Variants in TRPM3 observed in about 807,000 individuals in gnomAD.
TRPM3 encodes long transient receptor potential channel 3.
TRPM3 carries 77 observed loss-of-function variants against 181.2 expected under a neutral mutation model. That is an observed-to-expected ratio of 0.42 (90% CI 0.35 to 0.51). TRPM3 has a LOEUF of 0.51. Ranked by LOEUF, TRPM3 falls within the 20% of genes least tolerant of loss-of-function variation. The pLI, the probability that TRPM3 is intolerant of heterozygous loss-of-function variation, is 0.01. For missense variants in TRPM3, 1,759 were observed against 2,196.7 expected (o/e 0.80, Z 3.98); for synonymous variants, 745 against 796.4 (o/e 0.94, Z 1.09).
intron 14 of TRPM3, among the ~76,000 whole-genome samples, chr9:70,624,759 T>TA (rs1358883521): frequency 2.0e-5 from 3 of 152,184 alleles, no homozygotes; most frequent in Non-Finnish European, 4.4e-5. Context: ...TTGCAAAAGG[T>TA]AAAAAATGCT....
At chr9:71,145,023 A>G (rs185648588) in intron 1 of TRPM3, among the ~76,000 whole-genome samples, 63 of 152,310 alleles carry the variant, frequency 4.1e-4, no homozygotes. Flanking sequence ...ATAATGAGAT[A>G]ACATTATTTG....
chr9:70,662,932 C>A (rs1564752527), intron 9 of TRPM3, among the ~76,000 whole-genome samples: 1 of 152,016 alleles, frequency 6.6e-6, no homozygotes, highest in Non-Finnish European at 1.5e-5. Flanking sequence ...AAAAAGACAG[C>A]TACATGCATA....
intron 9 of TRPM3, among the ~76,000 whole-genome samples, chr9:70,675,077 T>A (rs879787891): frequency 6.6e-6 from 1 of 152,090 alleles, no homozygotes; most frequent in Non-Finnish European, 1.5e-5. Flanking sequence ...CATTTCAATT[T>A]CAATTTCATT....
At chr9:71,406,562 C>CT (rs543811354) in intron 1 of TRPM3, among the ~76,000 whole-genome samples, 83 of 152,170 alleles carry the variant, frequency 5.5e-4, no homozygotes, top group African/African-American at 2.0e-3. Flanking sequence ...ACAAATGCAC[C>CT]TTTTTTTAAA....
Position 70,846,479 on chromosome 9 carries a change from T to C in TRPM3, c.575A>G (p.Asn192Ser). The C allele has an allele frequency of 1.9e-6, 3 of 1,614,146 alleles. No individual in the cohort carries two copies. Among genetic ancestry groups the C allele is most frequent in the Non-Finnish European group, 1.7e-6 (2 of 1,180,006 alleles). The change falls in exon 4 of 26, where the codon AAC becomes AGC. Residue 192 changes from asparagine (N) to serine (S), a missense_variant. Asn to Ser is a conservative substitution (Grantham distance 46). This residue lies in a region of TRPM3 where 737 missense variants were observed against 957.4 expected (regional missense o/e 0.77). Coordinates refer to ENST00000677713, the MANE Select transcript of TRPM3 (RefSeq NM_001366145.2). ...CTTGAGTTTTGGCTGGAGTTCAAAG[T>C]TCTGCAGGCCCCCATGGACAGAGAT... ...LLISVHGGLQ[N>S]FELQPKLKQV...
intron 1 of TRPM3, among the ~76,000 whole-genome samples, chr9:70,971,128 T>C (rs1027830978): frequency 3.9e-5 from 6 of 152,174 alleles, no homozygotes; most frequent in African/African-American, 1.4e-4. Flanking sequence ...TGTATCACTT[T>C]TCTAAAATCT....
Position 70,536,443 on chromosome 9 carries a change from G to T in TRPM3, c.4670C>A (p.Thr1557Lys). The T allele has an allele frequency of 6.2e-7, 1 of 1,614,192 alleles. No homozygotes were observed. Among genetic ancestry groups the T allele is most frequent in the Non-Finnish European group, 8.5e-7 (1 of 1,180,032 alleles). The part of the protein sequence containing the change: ...FGVPVKTAEY[T>K]SITDCIDTRC... The stretch of plus-strand genomic sequence containing the variant: ...TGTGTCAATACAGTCTGTAATACTT[G>T]TGTATTCTGCTGTTTTTACAGGCAC... Residue 1557 changes from threonine (T) to lysine (K), a missense_variant, in exon 26 of 26, where the codon ACA becomes AAA. Physicochemically the swap from Thr to Lys is moderately conservative, Grantham distance 78. Around this residue, in one of 8 missense-constraint regions of TRPM3, gnomAD observed 612 missense variants for 590.0 expected, o/e 1.04. Coordinates refer to ENST00000677713, the MANE Select transcript of TRPM3 (RefSeq NM_001366145.2).
intron 1 of TRPM3, among the ~76,000 whole-genome samples, chr9:71,087,689 A>C (rs897776990): frequency 6.6e-6 from 1 of 152,060 alleles, no homozygotes; most frequent in Non-Finnish European, 1.5e-5. Flanking sequence ...GAAAGGAAGA[A>C]GCAGTACAAG....
At chr9:71,230,464 T>C (rs544530006) in intron 1 of TRPM3, among the ~76,000 whole-genome samples, 1 of 152,082 alleles carries the variant, frequency 6.6e-6, no homozygotes, top group Non-Finnish European at 1.5e-5. Context: ...ACTAAAATAA[T>C]ATAACTGAAT....
At chr9:70,913,623 T>C (rs1359302336) in intron 1 of TRPM3, among the ~76,000 whole-genome samples, 2 of 152,194 alleles carry the variant, frequency 1.3e-5, no homozygotes, top group Non-Finnish European at 2.9e-5. Flanking sequence ...ATCTTAGTAT[T>C]ATCAAGTACT....
intron 6 of TRPM3, among the ~76,000 whole-genome samples, chr9:70,802,052 G>A (rs2131240311): frequency 6.6e-6 from 1 of 152,298 alleles, no homozygotes; most frequent in South Asian, 2.1e-4. Context: ...ACCTGAGAAT[G>A]TACATTTCAA....
At chr9:70,869,564 T>C (rs528771385) in intron 1 of TRPM3, among the ~76,000 whole-genome samples, 5 of 152,166 alleles carry the variant, frequency 3.3e-5, no homozygotes, top group Non-Finnish European at 2.9e-5. Context: ...AATCTCTGAA[T>C]GTTTCAGTAG....
At chr9:71,037,668 GC>G (rs971522508) in intron 1 of TRPM3, among the ~76,000 whole-genome samples, 1 of 152,170 alleles carries the variant, frequency 6.6e-6, no homozygotes, top group African/African-American at 2.4e-5. Context: ...TCACTTCTTG[GC>G]TAACAGCCTG....
chr9:70,697,739 GA>G (rs575115332), intron 8 of TRPM3, among the ~76,000 whole-genome samples: 205 of 152,284 alleles, frequency 1.3e-3, no homozygotes, highest in African/African-American at 4.8e-3. Context: ...GAAGTTTCAA[GA>G]AGAGTAATTA....
At chr9:71,268,974 T>C (rs2083586332) in intron 1 of TRPM3, among the ~76,000 whole-genome samples, 1 of 152,118 alleles carries the variant, frequency 6.6e-6, no homozygotes, top group Non-Finnish European at 1.5e-5. Flanking sequence ...GCAAACCATG[T>C]ATACAAAGGA....
At chr9:71,148,092 A>G (rs971602866) in intron 1 of TRPM3, among the ~76,000 whole-genome samples, 1 of 126,726 alleles carries the variant, frequency 7.9e-6, no homozygotes, top group African/African-American at 2.6e-5. Context: ...AGAGTAGTGT[A>G]AAAGAATTTT....
chr9:70,653,596 C>T (rs1314553654), intron 9 of TRPM3, among the ~76,000 whole-genome samples: 2 of 143,820 alleles, frequency 1.4e-5, no homozygotes, highest in Non-Finnish European at 3.0e-5. Flanking sequence ...AAATTCCTCA[C>T]AGCTGCAAAA....
chr9:71,403,502 GATA>G (rs1313793738), intron 1 of TRPM3, among the ~76,000 whole-genome samples: 2 of 152,112 alleles, frequency 1.3e-5, no homozygotes, highest in Non-Finnish European at 2.9e-5. Flanking sequence ...ATTTTAAAAA[GATA>G]ATAATGATGA....
At position 70,941,932 on chromosome 9, in the gene TRPM3, C is replaced by T. The variant is rs1049858721; in HGVS notation, c.178-77421G>A. Among the ~76,000 whole-genome samples the T allele has an allele frequency of 3.9e-5, 6 of 152,212 alleles. 1 individual carries two copies. Among genetic ancestry groups the T allele is most frequent in the African/African-American group, 1.4e-4 (6 of 41,544 alleles). On this transcript the variant is annotated intron_variant, in intron 1 of 25. Transcript: ENST00000677713. ...TTTCTTGAAAAAAAAATTAACTTGT[C>T]TATTTGTTTCAAAAAGAATCAGACA...
Sources: allele counts gnomAD v4.1 joint callset (sites outside exome capture counted in the v4.1 genomes callset), GRCh38; gene constraint gnomAD v4.1.1; regional missense constraint gnomAD v4.1.1; transcripts MANE v1.5; gene names NCBI Gene and HGNC (gene_info 2026-07-23, HGNC 2026-07-21).